Variants in DMD observed in about 807,000 individuals in gnomAD.
The protein encoded by DMD is mutant dystrophin.
DMD carries 63 observed loss-of-function variants against 330.1 expected under a neutral mutation model. The ratio of observed to expected loss-of-function variants is 0.19; its 90% CI spans 0.16 to 0.24. The LOEUF (loss-of-function observed/expected upper bound fraction) is 0.24. Ranked by LOEUF, DMD falls within the 10% of genes least tolerant of loss-of-function variation. The probability of loss-of-function intolerance (pLI) is 1.00; values close to 1 mark genes in which losing one functional copy is unlikely to be tolerated. For synonymous variants in DMD, 1,223 were observed against 959.8 expected (o/e 1.27, Z -5.07); for missense variants, 3,344 against 2,684.1 (o/e 1.25, Z -5.43).
intron 44 of DMD, among the ~76,000 whole-genome samples, chrX:32,146,492 C>G (rs2096779172): frequency 9.0e-6 from 1 of 111,173 alleles, no homozygotes; most frequent in South Asian, 3.8e-4. Flanking sequence ...GATCTTTGTC[C>G]TATTATTTAA....
intron 77 of DMD, among the ~76,000 whole-genome samples, chrX:31,128,831 T>TC (rs1462095695): frequency 2.7e-5 from 3 of 112,072 alleles, no homozygotes; most frequent in Admixed American, 9.5e-5. Flanking sequence ...GTCCTTTTTT[T>TC]CACTTTAGAA....
intron 7 of DMD, among the ~76,000 whole-genome samples, chrX:32,721,183 C>CA (rs1362116551): frequency 9.0e-6 from 1 of 110,673 alleles, no homozygotes; most frequent in Non-Finnish European, 1.9e-5. Flanking sequence ...AGGCTATCTC[C>CA]ACAAGGTTCT....
intron 7 of DMD, among the ~76,000 whole-genome samples, chrX:32,780,538 A>G (rs1216991938): frequency 9.1e-6 from 1 of 109,965 alleles, no homozygotes; most frequent in African/African-American, 3.5e-5. Flanking sequence ...ATTTAAATAA[A>G]GGTAATCAGG....
chrX:33,169,983 C>T (rs1319890601), intron 1 of DMD, among the ~76,000 whole-genome samples: 1 of 110,960 alleles, frequency 9.0e-6, no homozygotes, highest in African/African-American at 3.3e-5. Flanking sequence ...TTAACAAACA[C>T]CCTGCATTTC....
intron 44 of DMD, among the ~76,000 whole-genome samples, chrX:32,027,092 C>T (rs1056548231): frequency 4.6e-5 from 5 of 108,632 alleles, no homozygotes; most frequent in African/African-American, 1.7e-4. Flanking sequence ...TTGATGTACA[C>T]TTGTCTCTGC....
At chrX:32,767,599 G>C (rs962493182) in intron 7 of DMD, among the ~76,000 whole-genome samples, 3 of 111,256 alleles carry the variant, frequency 2.7e-5, no homozygotes, top group Non-Finnish European at 5.7e-5. Flanking sequence ...GTAATGAGGT[G>C]GGTTTTTTTC....
chrX:31,665,743 G>A (rs1423543777), intron 53 of DMD, among the ~76,000 whole-genome samples: 1 of 111,438 alleles, frequency 9.0e-6, no homozygotes, highest in Non-Finnish European at 1.9e-5. Flanking sequence ...ATGTGTTATC[G>A]GCCAACCCAT....
intron 55 of DMD, among the ~76,000 whole-genome samples, chrX:31,560,109 A>G (rs934315655): frequency 8.9e-6 from 1 of 111,954 alleles, no homozygotes; most frequent in African/African-American, 3.3e-5. Flanking sequence ...CTACTCTTGC[A>G]TAAGTGGGAA....
At chrX:32,821,552 C>T (rs1054260871) in intron 5 of DMD, among the ~76,000 whole-genome samples, 1 of 108,856 alleles carries the variant, frequency 9.2e-6, no homozygotes, top group Non-Finnish European at 1.9e-5. Flanking sequence ...CGCGCCACTG[C>T]ACTCCAGCCT....
chrX:32,722,111 C>T (rs1294815784), intron 7 of DMD, among the ~76,000 whole-genome samples: 12 of 108,248 alleles, frequency 1.1e-4, no homozygotes, highest in Non-Finnish European at 2.1e-4. Flanking sequence ...CTTTTTTTTC[C>T]TCAAGATTGT....
chrX:33,254,233 A>G (rs1203490096), intron 1 of DMD, among the ~76,000 whole-genome samples: 1 of 98,442 alleles, frequency 1.0e-5, no homozygotes, highest in Non-Finnish European at 1.9e-5. Context: ...TGTCTGGAGC[A>G]TACACTATTG....
intron 4 of DMD, among the ~76,000 whole-genome samples, chrX:32,823,820 A>G (rs767399557): frequency 1.8e-5 from 2 of 111,640 alleles, no homozygotes; most frequent in East Asian, 2.8e-4. Context: ...GGTCTCTAAT[A>G]AACAATGGAG....
At chrX:31,750,624 T>C (rs1342862875) in intron 51 of DMD, among the ~76,000 whole-genome samples, 2 of 110,393 alleles carry the variant, frequency 1.8e-5, no homozygotes, top group African/African-American at 3.3e-5. Flanking sequence ...CTATTCAACA[T>C]AGTGTTGGAA....
At chrX:32,715,044 A>G (rs1251111979) in intron 7 of DMD, among the ~76,000 whole-genome samples, 1 of 111,563 alleles carries the variant, frequency 9.0e-6, no homozygotes, top group Non-Finnish European at 1.9e-5. Context: ...TAGATCTTTC[A>G]ACTTGTTTAT....
chrX:32,400,458 T>C (rs1250619064), intron 30 of DMD, among the ~76,000 whole-genome samples: 4 of 111,306 alleles, frequency 3.6e-5, no homozygotes, highest in African/African-American at 9.9e-5. Context: ...GGTATCAGAA[T>C]GATGCTGGCC....
intron 17 of DMD, among the ~76,000 whole-genome samples, chrX:32,531,667 T>C (rs1241095373): frequency 3.6e-5 from 4 of 111,589 alleles, no homozygotes; most frequent in Admixed American, 9.6e-5. Context: ...AGTGAAGCAC[T>C]GAGTCAAGAC....
chrX:33,132,201 G>A (rs770432397), intron 1 of DMD, among the ~76,000 whole-genome samples: 34 of 112,258 alleles, frequency 3.0e-4, no homozygotes, highest in Admixed American at 1.9e-3. Flanking sequence ...GTTAGATCAT[G>A]TTAGAAATGT....
intron 44 of DMD, among the ~76,000 whole-genome samples, chrX:32,091,448 G>A (rs2096474044): frequency 9.0e-6 from 1 of 111,212 alleles, no homozygotes; most frequent in Admixed American, 9.6e-5. Context: ...AATAATGGAA[G>A]CTTTAGAAAC....
chrX:31,512,228 A>G (rs1183837171), intron 55 of DMD, among the ~76,000 whole-genome samples: 1 of 108,743 alleles, frequency 9.2e-6, no homozygotes, highest in Non-Finnish European at 1.9e-5. Context: ...TAGATTCTGG[A>G]TATTAGCCCT....
Sources: gnomAD v4.1 joint callset for allele counts (sites outside exome capture counted in the v4.1 genomes callset) on GRCh38, gnomAD v4.1.1 for gene constraint, MANE v1.5 for transcripts, NCBI Gene and HGNC (gene_info 2026-07-23, HGNC 2026-07-21) for gene names.